FBXO16: variants seen among roughly 807,000 people sequenced by gnomAD.
FBXO16 encodes F-box only protein 16.
FBXO16 carries 31 observed loss-of-function variants against 41.0 expected under a neutral mutation model. The ratio of observed to expected loss-of-function variants is 0.76; its 90% CI spans 0.57 to 1.02. The LOEUF (loss-of-function observed/expected upper bound fraction) is 1.02. FBXO16 is among the 50% of genes least tolerant of loss of function. The pLI is 0.00. For synonymous variants in FBXO16, 133 were observed against 117.8 expected, an observed-to-expected ratio of 1.13 and a Z score of -0.84; for missense variants, 361 against 346.2, an observed-to-expected ratio of 1.04 and a Z score of -0.34.
intron 5 of FBXO16, among the ~76,000 whole-genome samples, chr8:28,454,132 C>T (rs1802998913): frequency 6.6e-6 from 1 of 151,970 alleles, no homozygotes; most frequent in Non-Finnish European, 1.5e-5. Flanking sequence ...TGCCACTGCA[C>T]TCCAGCCTGG....
intron 8 of FBXO16, among the ~76,000 whole-genome samples, chr8:28,429,158 T>A (rs1213760835): frequency 6.6e-6 from 1 of 152,182 alleles, no homozygotes; most frequent in Non-Finnish European, 1.5e-5. Flanking sequence ...AAATATTTTT[T>A]AAAATAGATA....
intron 7 of FBXO16, among the ~76,000 whole-genome samples, chr8:28,441,691 G>A (rs1186168388): frequency 1.1e-4 from 16 of 147,616 alleles, no homozygotes; most frequent in African/African-American, 2.3e-4. Flanking sequence ...AGCCGAGATC[G>A]CGCCATTGCA....
chr8:28,459,623 AAATAATAAT>A (rs57120891), intron 4 of FBXO16, among the ~76,000 whole-genome samples: 1,549 of 137,866 alleles, frequency 0.011, 25 homozygotes, highest in African/African-American at 0.027. Context: ...CCTGTCTCAA[AAATAATAAT>A]AATAATAATA....
intron 1 of FBXO16, among the ~76,000 whole-genome samples, chr8:28,487,829 C>T (rs1349119838): frequency 6.6e-6 from 1 of 151,794 alleles, no homozygotes; most frequent in African/African-American, 2.4e-5. Flanking sequence ...TAAGGACTAC[C>T]TTTGAATATT....
chr8:28,462,998 C>A (rs1195171590), intron 4 of FBXO16, among the ~76,000 whole-genome samples: 1 of 152,222 alleles, frequency 6.6e-6, no homozygotes, highest in African/African-American at 2.4e-5. Context: ...CCCCAACTAG[C>A]TAATACTTCT....
intron 7 of FBXO16, among the ~76,000 whole-genome samples, chr8:28,443,498 G>T (rs775111589): frequency 1.1e-4 from 17 of 152,144 alleles, no homozygotes; most frequent in Non-Finnish European, 1.8e-4. Context: ...GCCTTTAGAA[G>T]GTGCTCCCCT....
chr8:28,436,382 G>A (rs548704125), intron 7 of FBXO16, among the ~76,000 whole-genome samples: 56 of 152,306 alleles, frequency 3.7e-4, no homozygotes, highest in Non-Finnish European at 7.2e-4. Flanking sequence ...TATGCTTCTG[G>A]CGGAAACAGA....
At chr8:28,441,755 A>ACTG (rs1802780579) in intron 7 of FBXO16, among the ~76,000 whole-genome samples, 2 of 92,850 alleles carry the variant, frequency 2.2e-5, no homozygotes, top group Non-Finnish European at 4.7e-5. Flanking sequence ...AAAAAAACTA[A>ACTG]AAAAAAAATA....
chr8:28,429,932 A>G (rs1043127413), intron 7 of FBXO16, among the ~76,000 whole-genome samples: 1 of 152,206 alleles, frequency 6.6e-6, no homozygotes, highest in Non-Finnish European at 1.5e-5. Context: ...AGTTTCCAGC[A>G]GGTGGATTCC....
intron 7 of FBXO16, among the ~76,000 whole-genome samples, chr8:28,444,594 C>T (rs1416832201): frequency 6.7e-6 from 1 of 150,162 alleles, no homozygotes; most frequent in Non-Finnish European, 1.5e-5. Context: ...TCTCCTGCCT[C>T]AGCCTCCCGA....
chr8:28,447,420 A>C (rs1407452212), intron 6 of FBXO16, 147 bp from the exon 7 acceptor site: 2 of 638,446 alleles, frequency 3.1e-6, no homozygotes, highest in East Asian at 2.9e-5. Flanking sequence ...ATGTCTATCA[A>C]TAGAGAACTG....
chr8:28,478,727 G>A (rs949796113), intron 2 of FBXO16, among the ~76,000 whole-genome samples: 2 of 151,362 alleles, frequency 1.3e-5, no homozygotes, highest in Non-Finnish European at 2.9e-5. Context: ...GGAGGCTGAG[G>A]CAGGAGAATC....
At chr8:28,435,616 G>A (rs6981453) in intron 7 of FBXO16, among the ~76,000 whole-genome samples, 4,296 of 152,226 alleles carry the variant, frequency 0.028, 202 homozygotes, top group East Asian at 0.21. Context: ...GACTCAGAAT[G>A]GGGAGTGCAT....
In FBXO16 at chr8:28,447,186, T is replaced by C. The variant is rs555698559; in HGVS notation, c.828A>G (p.Arg276=). Residue 276 remains arginine (R), a synonymous_variant, in exon 7 of 9, where the codon AGA becomes AGG. Coordinates refer to ENST00000380254, the MANE Select transcript of FBXO16 (RefSeq NM_172366.4). ...KNKLQDRTRL[R]KAQSMMSRRN... is the part of the protein sequence containing the mutation. ...CAATACTTACCATTGATTGTGCTTT[T>C]CTTAGCCTAGTTCTGTCCTGCAATT... 3 of 1,613,588 alleles carry C rather than the reference T, an allele frequency of 1.9e-6. No homozygotes were observed. The highest frequency in any genetic ancestry group is 2.2e-5 in the East Asian group (1 of 44,854).
intron 4 of FBXO16, among the ~76,000 whole-genome samples, chr8:28,463,142 G>T (rs1263824375): frequency 2.0e-5 from 3 of 150,702 alleles, no homozygotes; most frequent in Non-Finnish European, 2.9e-5. Flanking sequence ...TTTTGTGTGT[G>T]TGTGTATGTT....
chr8:28,467,941 A>G (rs1321529594), intron 3 of FBXO16, among the ~76,000 whole-genome samples: 1 of 152,218 alleles, frequency 6.6e-6, no homozygotes, highest in Non-Finnish European at 1.5e-5. Flanking sequence ...GGCTAATAGA[A>G]AACTAATTTA....
At chr8:28,468,977 A>G (rs1458659360) in intron 3 of FBXO16, among the ~76,000 whole-genome samples, 2 of 152,138 alleles carry the variant, frequency 1.3e-5, no homozygotes, top group Non-Finnish European at 2.9e-5. Context: ...CAAAAGTTTG[A>G]TGTTCATGCA....
At chr8:28,443,815 C>T (rs1017003200) in intron 7 of FBXO16, among the ~76,000 whole-genome samples, 1 of 152,124 alleles carries the variant, frequency 6.6e-6, no homozygotes, top group Admixed American at 6.5e-5. Context: ...CAGGAATGAC[C>T]TCTGGTCATA....
At chr8:28,469,675 G>A (rs577662397) in intron 3 of FBXO16, among the ~76,000 whole-genome samples, 4 of 152,206 alleles carry the variant, frequency 2.6e-5, no homozygotes, top group South Asian at 4.2e-4. Context: ...AGGCCAAGGC[G>A]GGTGGATCAC....
Sources: allele counts gnomAD v4.1 joint callset (sites outside exome capture counted in the v4.1 genomes callset), GRCh38; gene constraint gnomAD v4.1.1; transcripts MANE v1.5; gene names NCBI Gene and HGNC (gene_info 2026-07-23, HGNC 2026-07-21).